LRP5: variants seen among roughly 807,000 people sequenced by gnomAD.
The protein encoded by LRP5 is low-density lipoprotein receptor-related protein 5.
LRP5 carries 62 observed loss-of-function variants against 154.1 expected under a neutral mutation model. The observed-to-expected ratio is 0.40, with a 90% confidence interval of 0.33 to 0.50. LRP5 has a LOEUF of 0.50. LRP5 is among the 20% of genes least tolerant of loss of function. The pLI is 0.55. For synonymous variants in LRP5, 966 were observed against 1,011.5 expected (o/e 0.96, Z 0.85); for missense variants, 1,915 against 2,336.7 (o/e 0.82, Z 3.72).
intron 2 of LRP5, among the ~76,000 whole-genome samples, chr11:68,356,247 A>G (rs529698910): frequency 8.6e-4 from 127 of 148,506 alleles, no homozygotes; most frequent in African/African-American, 3.2e-3. Flanking sequence ...GGCTGAAGGG[A>G]TCCTCCCACG....
At chr11:68,437,056 T>A in intron 19 of LRP5, 57 bp downstream of exon 19, 1 of 1,464,976 alleles carries the variant, frequency 6.8e-7, no homozygotes, top group South Asian at 1.1e-5. Flanking sequence ...CCCAGGAACG[T>A]GGAGTTTAGG....
At chr11:68,341,773 A>G (rs533110831) in intron 1 of LRP5, among the ~76,000 whole-genome samples, 4 of 146,876 alleles carry the variant, frequency 2.7e-5, no homozygotes, top group Admixed American at 2.7e-4. Flanking sequence ...CCCACTTCTC[A>G]TGTAGCATGC....
At chr11:68,437,899 G>A (rs1591327384) in intron 19 of LRP5, among the ~76,000 whole-genome samples, 1 of 152,374 alleles carries the variant, frequency 6.6e-6, no homozygotes, top group South Asian at 2.1e-4. Context: ...CCATTCCGCT[G>A]ACTTCATCGA....
chr11:68,333,409 T>C (rs1237605399), intron 1 of LRP5, among the ~76,000 whole-genome samples: 2 of 152,220 alleles, frequency 1.3e-5, no homozygotes, highest in Non-Finnish European at 2.9e-5. Flanking sequence ...TTCTTGGACT[T>C]GGAGAGACTG....
Position 68,403,707 on chromosome 11 carries a change from C to A in LRP5, c.1801+8C>A. On this transcript the variant is annotated splice_region_variant and intron_variant, in intron 8 of 22. Coordinates refer to ENST00000294304, the MANE Select transcript of LRP5 (RefSeq NM_002335.4). ...ATGTGGCCAAGGTCGTCGGTGAGTCCGGGGGGTCCCAAGCCATGGCTCAGC... is the reference window on the plus strand; with the variant it reads ...ATGTGGCCAAGGTCGTCGGTGAGTCAGGGGGGTCCCAAGCCATGGCTCAGC... 4.3e-6 allele frequency: 7 copies of A among 1,612,742 alleles called. No individual in the cohort carries two copies. Among genetic ancestry groups the A allele is most frequent in the Non-Finnish European group, 5.9e-6 (7 of 1,179,926 alleles).
At chr11:68,338,867 G>GTTTTTTTTTTTTTTTTTTT (rs11382677) in intron 1 of LRP5, among the ~76,000 whole-genome samples, 3 of 91,940 alleles carry the variant, frequency 3.3e-5, no homozygotes, top group Admixed American at 1.7e-4. Flanking sequence ...CTTTTGTTTA[G>GTTTTTTTTTTTTTTTTTTT]TTTTTTTTTT....
chr11:68,315,972 A>C (rs1463520858), intron 1 of LRP5, among the ~76,000 whole-genome samples: 1 of 152,212 alleles, frequency 6.6e-6, no homozygotes, highest in African/African-American at 2.4e-5. Flanking sequence ...ATAATATAAA[A>C]TATTAAAGTA....
chr11:68,313,854 T>C (rs1041030266), intron 1 of LRP5, among the ~76,000 whole-genome samples: 5 of 152,198 alleles, frequency 3.3e-5, no homozygotes, highest in African/African-American at 1.2e-4. Flanking sequence ...CCTGAATATT[T>C]CCAGTGTGAA....
chr11:68,347,789 G>A (rs1159933945), intron 1 of LRP5, 58 bp from the exon 2 acceptor site: 1 of 1,598,170 alleles, frequency 6.3e-7, no homozygotes, highest in East Asian at 2.2e-5. Context: ...CTCCATCCCA[G>A]GGCTGTGTAT....
In LRP5 at chr11:68,348,344, G is replaced by A. The variant is rs185848349; in HGVS notation, c.488+101G>A. ...CCAAGTTGTTTTTCAGAAAAAGGGT[G>A]TGACTCTGAAAATGAACCCGTGGGG... On this transcript the variant is annotated intron_variant, in intron 2 of 22. Transcript: ENST00000294304. The A allele has an allele frequency of 4.0e-4, 597 of 1,500,322 alleles. 3 individuals are homozygous for A. The East Asian group carries it at 0.012, about 31-fold the overall frequency. 92.9% of individuals were successfully genotyped at this position (1,500,322 alleles called of 1,614,324 possible). A position where few individuals can be genotyped will look rare whatever the true frequency, so the allele number is the denominator to read the frequency against.
chr11:68,333,112 T>C (rs541404090), intron 1 of LRP5, among the ~76,000 whole-genome samples: 1 of 152,114 alleles, frequency 6.6e-6, no homozygotes, highest in Non-Finnish European at 1.5e-5. Flanking sequence ...CGTAGCTGCA[T>C]GAGGGTTTGA....
chr11:68,440,023 C>T (rs1185551666), intron 21 of LRP5, 107 bp downstream of exon 21: 21 of 981,168 alleles, frequency 2.1e-5, no homozygotes, highest in South Asian at 6.9e-5. Flanking sequence ...GCTGTGCCAC[C>T]GCCTCTGAGG....
intron 1 of LRP5, among the ~76,000 whole-genome samples, chr11:68,339,028 C>T (rs755678364): frequency 2.0e-5 from 3 of 151,856 alleles, no homozygotes; most frequent in Non-Finnish European, 4.4e-5. Flanking sequence ...CATGTGCCAC[C>T]ACACCTGGCT....
At chr11:68,439,119 C>G (rs1232942744) in intron 20 of LRP5, among the ~76,000 whole-genome samples, 1 of 152,188 alleles carries the variant, frequency 6.6e-6, no homozygotes, top group Non-Finnish European at 1.5e-5. Flanking sequence ...GGCCCAGGCA[C>G]CAGGAACGCA....
In LRP5 at chr11:68,366,388, C is replaced by T. The variant is rs144041920; in HGVS notation, c.1015+686C>T. ...CTAAGGGCAGAGTCTCGGTGTGGGG[C>T]CCCCTAGAAGGACTCTCCTGGCATC... On this transcript the variant is annotated intron_variant, in intron 5 of 22. Coordinates refer to ENST00000294304, the MANE Select transcript of LRP5 (RefSeq NM_002335.4). Among the ~76,000 whole-genome samples the T allele has an allele frequency of 1.0e-3, 159 of 152,098 alleles. 1 individual carries two copies. Among genetic ancestry groups the T allele is most frequent in the Middle Eastern group, 3.4e-3 (1 of 294 alleles).
chr11:68,390,414 A>G (rs1296730387), intron 7 of LRP5, among the ~76,000 whole-genome samples: 1 of 152,248 alleles, frequency 6.6e-6, no homozygotes, highest in African/African-American at 2.4e-5. Context: ...TTATTTCACA[A>G]TACAAAATTA....
At chr11:68,399,132 A>G (rs139889444) in intron 7 of LRP5, among the ~76,000 whole-genome samples, 20 of 152,088 alleles carry the variant, frequency 1.3e-4, no homozygotes, top group African/African-American at 4.8e-4. Flanking sequence ...GCTGGGCTCA[A>G]GTGATCAGGA....
chr11:68,376,781 A>T (rs2098637587), intron 5 of LRP5, among the ~76,000 whole-genome samples: 1 of 152,200 alleles, frequency 6.6e-6, no homozygotes, highest in African/African-American at 2.4e-5. Flanking sequence ...GCTTTTAAAG[A>T]ATTAGGCCGC....
In LRP5 at chr11:68,400,320, A is replaced by T. The variant is rs114498639; in HGVS notation, c.1585-3163A>T. 9.6e-3 allele frequency among the ~76,000 whole-genome samples: 1,462 copies of T among 152,270 alleles called. 11 individuals carry two copies. Among genetic ancestry groups the T allele is most frequent in the African/African-American group, 0.022 (921 of 41,538 alleles). On this transcript the variant is annotated intron_variant, in intron 7 of 22. Transcript: ENST00000294304. ...ATTGCTCTTCAATGAAGCCAGGGAA[A>T]TGGACTTCCTTGCCTCACTTCAGTT...
Sources: allele counts gnomAD v4.1 joint callset (sites outside exome capture counted in the v4.1 genomes callset), GRCh38; gene constraint gnomAD v4.1.1; transcripts MANE v1.5; gene names NCBI Gene and HGNC (gene_info 2026-07-23, HGNC 2026-07-21).